The following MAP2K6 variants were observed in gnomAD, a reference collection of about 807,000 sequenced individuals.
The protein encoded by MAP2K6 is dual specificity mitogen-activated protein kinase kinase 6.
MAP2K6 carries 16 observed loss-of-function variants against 53.7 expected under a neutral mutation model. The ratio of observed to expected loss-of-function variants is 0.30; its 90% CI spans 0.20 to 0.45. The LOEUF is 0.45. Among genes scored for constraint, MAP2K6 ranks in the 20% least tolerant of loss-of-function variants. MAP2K6 has a pLI of 1.00. For missense variants in MAP2K6, 204 were observed against 411.9 expected, an observed-to-expected ratio of 0.50 and a Z score of 4.37; for synonymous variants, 132 against 143.1, an observed-to-expected ratio of 0.92 and a Z score of 0.55.
intron 1 of MAP2K6, among the ~76,000 whole-genome samples, chr17:69,425,005 G>T (rs181163468): frequency 1.3e-5 from 2 of 152,194 alleles, no homozygotes; most frequent in African/African-American, 4.8e-5. Flanking sequence ...AAACTAAGCC[G>T]ACTCAAACCT....
chr17:69,540,384 G>A (rs982759609), intron 11 of MAP2K6, among the ~76,000 whole-genome samples: 1 of 152,230 alleles, frequency 6.6e-6, no homozygotes, highest in African/African-American at 2.4e-5. Flanking sequence ...GGTGAGACAC[G>A]TGGGACTAAG....
intron 1 of MAP2K6, among the ~76,000 whole-genome samples, chr17:69,495,928 C>G (rs748370576): frequency 6.6e-6 from 1 of 152,008 alleles, no homozygotes; most frequent in African/African-American, 2.4e-5. Context: ...GGAGATGAAC[C>G]GAGACAGTAG....
chr17:69,462,420 C>T (rs565170379), intron 1 of MAP2K6, among the ~76,000 whole-genome samples: 6 of 152,186 alleles, frequency 3.9e-5, no homozygotes, highest in African/African-American at 7.2e-5. Context: ...GAGCCATCTA[C>T]GTTTTCCTCT....
intron 2 of MAP2K6, among the ~76,000 whole-genome samples, chr17:69,512,328 G>GCTTTTTTTT (rs1909867833): frequency 1.3e-5 from 1 of 75,184 alleles, no homozygotes; most frequent in Non-Finnish European, 2.6e-5. Flanking sequence ...CTTTCTAAGT[G>GCTTTTTTTT]TTTTTTTTTT....
At chr17:69,466,657 C>T (rs757525932) in intron 1 of MAP2K6, among the ~76,000 whole-genome samples, 5 of 152,202 alleles carry the variant, frequency 3.3e-5, no homozygotes, top group Non-Finnish European at 4.4e-5. Context: ...CGGGAAATCC[C>T]GTGGCATTTT....
At chr17:69,449,595 C>CTT (rs1907130577) in intron 1 of MAP2K6, among the ~76,000 whole-genome samples, 1 of 95,208 alleles carries the variant, frequency 1.1e-5, no homozygotes, top group Non-Finnish European at 2.3e-5. Flanking sequence ...CTTTCTTTTT[C>CTT]TTTCTTTCTC....
chr17:69,505,334 T>A, intron 1 of MAP2K6: 1 of 159,430 alleles, frequency 6.3e-6, no homozygotes, highest in Non-Finnish European at 1.3e-5. Flanking sequence ...TCCCAGCTCC[T>A]CAGGAGGCTG....
intron 1 of MAP2K6, among the ~76,000 whole-genome samples, chr17:69,492,220 T>G (rs1484636232): frequency 1.3e-5 from 2 of 152,212 alleles, no homozygotes; most frequent in Non-Finnish European, 2.9e-5. Flanking sequence ...TTATGAAATC[T>G]TTGCCCATTC....
At chr17:69,459,793 A>T (rs1280199199) in intron 1 of MAP2K6, among the ~76,000 whole-genome samples, 1 of 151,788 alleles carries the variant, frequency 6.6e-6, no homozygotes, top group Non-Finnish European at 1.5e-5. Flanking sequence ...TTCTTAAAAA[A>T]AAAATTTTGT....
chr17:69,416,416 A>G (rs1905903388), intron 1 of MAP2K6, among the ~76,000 whole-genome samples: 1 of 152,230 alleles, frequency 6.6e-6, no homozygotes, highest in Non-Finnish European at 1.5e-5. Flanking sequence ...GGAAAACCTA[A>G]AAATCTCCTT....
At chr17:69,534,851 C>T (rs907604604) in intron 10 of MAP2K6, among the ~76,000 whole-genome samples, 5 of 152,066 alleles carry the variant, frequency 3.3e-5, no homozygotes, top group African/African-American at 4.8e-5. Context: ...TTTTGTGGTC[C>T]GTTGGGCACA....
chr17:69,509,575 GTTT>G, intron 2 of MAP2K6, among the ~76,000 whole-genome samples: 1 of 152,120 alleles, frequency 6.6e-6, no homozygotes, highest in Admixed American at 6.5e-5. Flanking sequence ...AATGGAGACT[GTTT>G]TATTTTTTCT....
chr17:69,422,391 C>A (rs997854112), intron 1 of MAP2K6, among the ~76,000 whole-genome samples: 1 of 152,100 alleles, frequency 6.6e-6, no homozygotes, highest in Non-Finnish European at 1.5e-5. Flanking sequence ...CTCGGCCTCC[C>A]GAAGCACTGG....
intron 1 of MAP2K6, among the ~76,000 whole-genome samples, chr17:69,470,405 T>C (rs1907947806): frequency 6.6e-6 from 1 of 152,144 alleles, no homozygotes; most frequent in Non-Finnish European, 1.5e-5. Context: ...CTGGAATCCT[T>C]CATCCAGGGA....
rs75622415 is a variant in MAP2K6, at chr17:69,511,165, C to G, written c.83+5319C>G. On this transcript the variant is annotated intron_variant, in intron 2 of 11. Coordinates refer to ENST00000590474, the MANE Select transcript of MAP2K6 (RefSeq NM_002758.4). The stretch of plus-strand genomic sequence containing the variant: ...GATAAAAGCAGTTTATATTTTCCCT[C>G]GTATGGTATTAATAAGGTATACTGT... 4.0e-3 allele frequency among the ~76,000 whole-genome samples: 603 copies of G among 152,188 alleles called. 4 individuals are homozygous for G. The highest frequency in any genetic ancestry group is 0.014 in the African/African-American group (581 of 41,540).
At chr17:69,473,737 T>C (rs9895446) in intron 1 of MAP2K6, among the ~76,000 whole-genome samples, 12,753 of 152,238 alleles carry the variant, frequency 0.084, 625 homozygotes, top group African/African-American at 0.13. Flanking sequence ...TCAATGATAA[T>C]TGATCCAGGA....
intron 11 of MAP2K6, among the ~76,000 whole-genome samples, chr17:69,539,237 G>A (rs933027318): frequency 2.0e-5 from 3 of 152,190 alleles, no homozygotes; most frequent in African/African-American, 7.2e-5. Flanking sequence ...TAGCTTGTCT[G>A]TCTATTCCTC....
Position 69,423,104 on chromosome 17 carries a change from C to T in MAP2K6, c.16+8104C>T, listed in dbSNP as rs150936498. On this transcript the variant is annotated intron_variant, in intron 1 of 11. Coordinates refer to ENST00000590474, the MANE Select transcript of MAP2K6 (RefSeq NM_002758.4). The stretch of plus-strand genomic sequence containing the variant: ...TTCACCATGTTGGCCAGGATGATCT[C>T]GATCTCTTGACCTTGTGATCCGTCC... Among the ~76,000 whole-genome samples the T allele has an allele frequency of 3.4e-4, 52 of 152,162 alleles. No individual in the cohort carries two copies. The East Asian group carries it at 9.3e-3, about 27-fold the overall frequency.
intron 2 of MAP2K6, among the ~76,000 whole-genome samples, chr17:69,512,268 C>G (rs1909862025): frequency 6.8e-6 from 1 of 147,208 alleles, no homozygotes; most frequent in Admixed American, 6.9e-5. Flanking sequence ...TTACAGCATA[C>G]TGTGCATGAG....
Sources: gnomAD v4.1 joint callset for allele counts (sites outside exome capture counted in the v4.1 genomes callset) on GRCh38, gnomAD v4.1.1 for gene constraint, MANE v1.5 for transcripts, NCBI Gene and HGNC (gene_info 2026-07-23, HGNC 2026-07-21) for gene names.